PRELID2: variants seen among roughly 807,000 people sequenced by gnomAD.
PRELID2 encodes PRELI domain-containing protein 2.
A neutral mutation model predicts 28.4 loss-of-function variants in PRELID2; 25 were observed. The ratio of observed to expected loss-of-function variants is 0.88; its 90% CI spans 0.64 to 1.23. PRELID2 has a LOEUF of 1.23. Ranked by LOEUF, PRELID2 falls within the 50% of genes most tolerant of loss-of-function variation. PRELID2 has a pLI of 0.00. For missense variants in PRELID2, 201 were observed against 214.4 expected (o/e 0.94, Z 0.39); for synonymous variants, 76 against 71.6 (o/e 1.06, Z -0.31).
At chr5:145,678,957 T>C (rs1016550669) in intron 1 of PRELID2, among the ~76,000 whole-genome samples, 1 of 152,224 alleles carries the variant, frequency 6.6e-6, no homozygotes, top group Non-Finnish European at 1.5e-5. Context: ...GCTCATGAAA[T>C]TCATGTTGTC....
At chr5:145,444,715 G>T in the PRELID2 span, among the ~76,000 whole-genome samples, 6 of 151,958 alleles carry the variant, frequency 3.9e-5, no homozygotes, top group Non-Finnish European at 5.9e-5. Flanking sequence ...CACAATGAGA[G>T]AGAAGGTTAC....
At chr5:145,231,080 A>G in the PRELID2 span, among the ~76,000 whole-genome samples, 1 of 152,214 alleles carries the variant, frequency 6.6e-6, no homozygotes, top group African/African-American at 2.4e-5. Context: ...GGGAAATCAG[A>G]GCCCATCTTT....
chr5:145,623,240 T>C (rs1030770802), intron 1 of PRELID2, among the ~76,000 whole-genome samples: 2 of 151,330 alleles, frequency 1.3e-5, no homozygotes, highest in East Asian at 3.9e-4. Flanking sequence ...CATGAGGTCA[T>C]GAGATTGAGA....
intron 1 of PRELID2, among the ~76,000 whole-genome samples, chr5:145,713,868 A>G (rs1033705214): frequency 3.3e-5 from 5 of 151,338 alleles, no homozygotes; most frequent in African/African-American, 1.2e-4. Flanking sequence ...AAAGTGCTGA[A>G]AGAGGGGGAG....
chr5:145,578,450 C>T (rs1434548886), intron 1 of PRELID2, among the ~76,000 whole-genome samples: 2 of 151,640 alleles, frequency 1.3e-5, no homozygotes, highest in African/African-American at 4.9e-5. Context: ...CTTTTTTTTC[C>T]CCTGGGTCAA....
the PRELID2 span, among the ~76,000 whole-genome samples, chr5:145,419,272 A>T: frequency 7.2e-6 from 1 of 138,472 alleles, no homozygotes; most frequent in South Asian, 2.3e-4. Context: ...GTCAAATGGT[A>T]TTTCCAGTTC....
chr5:145,368,664 A>T, the PRELID2 span, among the ~76,000 whole-genome samples: 12 of 151,870 alleles, frequency 7.9e-5, 1 homozygote, highest in African/African-American at 2.7e-4. Flanking sequence ...ATTTTTATTT[A>T]TCTTTTATTC....
chr5:145,281,502 C>T, the PRELID2 span, among the ~76,000 whole-genome samples: 57 of 152,252 alleles, frequency 3.7e-4, no homozygotes, highest in East Asian at 7.7e-3. Context: ...GACCCTATAG[C>T]GCTAAGATAA....
At chr5:145,639,804 TAATA>T (rs1272981068) in intron 1 of PRELID2, among the ~76,000 whole-genome samples, 2 of 152,188 alleles carry the variant, frequency 1.3e-5, no homozygotes, top group South Asian at 2.1e-4. Flanking sequence ...AAAAAAGATT[TAATA>T]AATAGAAAAA....
chr5:145,557,691 G>C (rs1752892396), intron 1 of PRELID2, among the ~76,000 whole-genome samples: 1 of 152,152 alleles, frequency 6.6e-6, no homozygotes, highest in Non-Finnish European at 1.5e-5. Flanking sequence ...ATGCTTGAAG[G>C]CACTATTTCA....
At chr5:145,717,819 A>C (rs1353497799) in intron 1 of PRELID2, among the ~76,000 whole-genome samples, 1 of 151,920 alleles carries the variant, frequency 6.6e-6, no homozygotes, top group Non-Finnish European at 1.5e-5. Flanking sequence ...GATCAATACT[A>C]TCAACAGATG....
At chr5:145,337,866 C>T in the PRELID2 span, 1 of 151,104 alleles carries the variant, frequency 6.6e-6, no homozygotes, top group South Asian at 2.1e-4. Context: ...TGGATGTGTT[C>T]TTCTTGTTCA....
intron 1 of PRELID2, among the ~76,000 whole-genome samples, chr5:145,513,073 C>T (rs970555376): frequency 2.6e-5 from 4 of 151,976 alleles, no homozygotes; most frequent in African/African-American, 9.7e-5. Flanking sequence ...ACCAGAATGC[C>T]TCTTCTCCTC....
the PRELID2 span, among the ~76,000 whole-genome samples, chr5:145,329,706 TAC>T: frequency 1.3e-5 from 2 of 152,202 alleles, no homozygotes; most frequent in Non-Finnish European, 2.9e-5. Context: ...TTTCTAAATA[TAC>T]AATCATGTCA....
chr5:145,824,964 G>A (rs933544008), intron 1 of PRELID2, among the ~76,000 whole-genome samples: 10 of 151,984 alleles, frequency 6.6e-5, no homozygotes, highest in African/African-American at 2.2e-4. Context: ...GGAGGTTCAT[G>A]CCTGTAATCC....
At chr5:145,298,746 T>A in the PRELID2 span, among the ~76,000 whole-genome samples, 1 of 152,136 alleles carries the variant, frequency 6.6e-6, no homozygotes, top group South Asian at 2.1e-4. Context: ...CATTATAAAT[T>A]AACCAATCTG....
Position 145,640,490 on chromosome 5 carries a change from A to T in PRELID2, n.70+124441T>A, listed in dbSNP as rs1291075655. On this transcript the variant is annotated intron_variant and non_coding_transcript_variant, in intron 1 of 2. Coordinates refer to the PRELID2 transcript ENST00000510259. The stretch of plus-strand genomic sequence containing the variant: ...GACTCCGTCTCAAAAAAAAAAAAAA[A>T]AAAATTGGCCGGCCATGGTGGCGGG... 1.9e-3 allele frequency among the ~76,000 whole-genome samples: 282 copies of T among 149,490 alleles called. 1 individual carries two copies. Among genetic ancestry groups the T allele is most frequent in the Middle Eastern group, 6.8e-3 (2 of 292 alleles).
At chr5:145,510,874 A>C (rs1328390481) in intron 1 of PRELID2, among the ~76,000 whole-genome samples, 1 of 152,078 alleles carries the variant, frequency 6.6e-6, no homozygotes, top group Non-Finnish European at 1.5e-5. Context: ...TGATTAGAAG[A>C]CCTGTTCCCT....
intron 1 of PRELID2, among the ~76,000 whole-genome samples, chr5:145,687,325 T>C (rs1179943325): frequency 6.6e-6 from 1 of 152,196 alleles, no homozygotes; most frequent in Non-Finnish European, 1.5e-5. Context: ...GCTTCCTGCA[T>C]GGCCTTAAAA....
Sources: gnomAD v4.1 joint callset for allele counts (sites outside exome capture counted in the v4.1 genomes callset) on GRCh38, gnomAD v4.1.1 for gene constraint, MANE v1.5 for transcripts, NCBI Gene and HGNC (gene_info 2026-07-23, HGNC 2026-07-21) for gene names.